Variants in CYP4V2 observed in about 807,000 individuals in gnomAD.
The protein encoded by CYP4V2 is cytochrome P450 4V2.
In CYP4V2, 55 loss-of-function variants were observed where a neutral mutation model predicts 60.8. The observed-to-expected ratio is 0.90, with a 90% confidence interval of 0.73 to 1.13. The LOEUF (loss-of-function observed/expected upper bound fraction) is 1.13. Among genes scored for constraint, CYP4V2 ranks in the 50% most tolerant of loss-of-function variants. The probability of loss-of-function intolerance (pLI) is 0.00; values close to 1 mark genes in which losing one functional copy is unlikely to be tolerated. For synonymous variants in CYP4V2, 239 were observed against 236.8 expected, an observed-to-expected ratio of 1.01 and a Z score of -0.08; for missense variants, 675 against 662.9, an observed-to-expected ratio of 1.02 and a Z score of -0.20.
intron 4 of CYP4V2, 146 bp from the exon 5 acceptor site, chr4:186,197,387 G>C (rs546158674): frequency 2.1e-6 from 2 of 934,120 alleles, no homozygotes; most frequent in Admixed American, 1.9e-5. Context: ...GACCGTACAA[G>C]AGAAGAGGGT....
intron 2 of CYP4V2, among the ~76,000 whole-genome samples, chr4:186,194,985 A>G (rs1736112376): frequency 6.6e-6 from 1 of 152,226 alleles, no homozygotes; most frequent in African/African-American, 2.4e-5. Context: ...CAAGTTGCTC[A>G]GGGTCTCATA....
intron 8 of CYP4V2, among the ~76,000 whole-genome samples, chr4:186,208,124 A>T (rs1736582902): frequency 6.8e-6 from 1 of 147,034 alleles, no homozygotes; most frequent in African/African-American, 2.6e-5. Flanking sequence ...TTCTTCTTTG[A>T]AGGGTATTTG....
chr4:186,201,101 A>G, intron 6 of CYP4V2, 56 bp from the exon 7 acceptor site: 1 of 1,547,836 alleles, frequency 6.5e-7, no homozygotes, highest in Non-Finnish European at 8.9e-7. Flanking sequence ...AAATGTGTTA[A>G]CTAGGGTGCA....
Position 186,210,851 on chromosome 4 carries a change from T to TG in CYP4V2, c.*211dup. On this transcript the variant is annotated 3_prime_UTR_variant, in exon 11 of 11. Coordinates refer to ENST00000378802, the MANE Select transcript of CYP4V2 (RefSeq NM_207352.4). ...TTCTTTTTTCTTTATTTTTTTTTTTTGAAACCGTGTCTCACTCTGTCGCCC... is the reference window on the plus strand; with the variant it reads ...TTCTTTTTTCTTTATTTTTTTTTTTTGGAAACCGTGTCTCACTCTGTCGCCC... 1.8e-6 allele frequency: 1 copy of TG among 570,590 alleles called. No individual in the cohort carries two copies. The highest frequency in any genetic ancestry group is 3.0e-6 in the Non-Finnish European group (1 of 338,754). The allele number at this position is 570,590 out of a possible 1,614,324, so 35.3% of individuals were successfully genotyped here.
At position 186,205,284 on chromosome 4, in the gene CYP4V2, G is replaced by A; in HGVS notation, c.1072G>A (p.Glu358Lys). Residue 358 changes from glutamate (E) to lysine (K), a missense_variant, in exon 8 of 11, where the codon GAA becomes AAA. By Grantham distance (56) the Glu-to-Lys change is moderately conservative. Coordinates refer to ENST00000378802, the MANE Select transcript of CYP4V2 (RefSeq NM_207352.4). ...NPEVQKKVDH[E>K]LDDVFGKSDR... is the part of the protein sequence containing the mutation. The stretch of plus-strand genomic sequence containing the variant: ...AGAAGTCCAGAAAAAAGTGGATCAT[G>A]AATTGGATGACGTGTTTGGTATGTT... 1 of 1,614,234 alleles carries A rather than the reference G, an allele frequency of 6.2e-7. No individual in the cohort carries two copies. Among genetic ancestry groups the A allele is most frequent in the Non-Finnish European group, 8.5e-7 (1 of 1,180,038 alleles).
At chr4:186,192,087 C>A (rs1158068224) in intron 1 of CYP4V2, 50 bp downstream of exon 1, 2 of 1,526,596 alleles carry the variant, frequency 1.3e-6, no homozygotes, top group Non-Finnish European at 1.8e-6. Flanking sequence ...CAGCCCCGTT[C>A]CCACCCTCCG....
intron 10 of CYP4V2, among the ~76,000 whole-genome samples, chr4:186,210,080 T>G (rs1180897514): frequency 6.6e-6 from 1 of 152,332 alleles, no homozygotes; most frequent in African/African-American, 2.4e-5. Context: ...ATCTCTAGCA[T>G]TTTGTCATTT....
At chr4:186,196,344 G>A in intron 3 of CYP4V2, 1 of 520,218 alleles carries the variant, frequency 1.9e-6, no homozygotes, top group Non-Finnish European at 3.5e-6. Flanking sequence ...AGACTCAGGA[G>A]GTCCTGATGG....
At chr4:186,192,113 G>T (rs1234311189) in intron 1 of CYP4V2, 76 bp downstream of exon 1, 22 of 1,501,268 alleles carry the variant, frequency 1.5e-5, no homozygotes, top group Non-Finnish European at 1.5e-5. Context: ...CCAGGAACCC[G>T]CTGCTTGTGG....
intron 8 of CYP4V2, among the ~76,000 whole-genome samples, chr4:186,207,613 T>G (rs957701995): frequency 6.7e-6 from 1 of 149,634 alleles, no homozygotes; most frequent in Non-Finnish European, 1.5e-5. Flanking sequence ...ATTAATTCCT[T>G]AAATGTTATT....
At chr4:186,207,929 T>C (rs530202922) in intron 8 of CYP4V2, among the ~76,000 whole-genome samples, 13 of 152,372 alleles carry the variant, frequency 8.5e-5, no homozygotes, top group African/African-American at 2.6e-4. Context: ...CTTGGCACAT[T>C]GTCCATTTTA....
At chr4:186,208,276 C>A (rs1045992323) in intron 8 of CYP4V2, among the ~76,000 whole-genome samples, 1 of 150,880 alleles carries the variant, frequency 6.6e-6, no homozygotes, top group Admixed American at 6.6e-5. Flanking sequence ...TTAGCATCCC[C>A]TGCCTTGATC....
rs942467014 is a variant in CYP4V2, at chr4:186,195,919, C to T, written c.328-84C>T. The stretch of plus-strand genomic sequence containing the variant: ...ATGTTGTGAATGCCCTAAAAACTAG[C>T]TGTATTCTAGCCAGTATTCCTATAA... On this transcript the variant is annotated intron_variant, in intron 2 of 10. Transcript: ENST00000378802. This position sits in a 1 kb window ranked among gnomAD's most constrained non-coding sequence, Gnocchi z 4.1. 4.2e-6 allele frequency: 4 copies of T among 954,186 alleles called. No individual in the cohort carries two copies. Among genetic ancestry groups the T allele is most frequent in the East Asian group, 2.4e-5 (1 of 40,940 alleles). The allele number at this position is 954,186 out of a possible 1,614,324, so 59.1% of individuals were successfully genotyped here. A position where few individuals can be genotyped will look rare whatever the true frequency, so the allele number is the denominator to read the frequency against.
chr4:186,198,566 C>T (rs1736220862), intron 5 of CYP4V2, among the ~76,000 whole-genome samples: 1 of 152,140 alleles, frequency 6.6e-6, no homozygotes, highest in Non-Finnish European at 1.5e-5. Context: ...AGAGGGCAGC[C>T]AGTTGTCTTC....
chr4:186,194,648 G>T (rs759029388), intron 2 of CYP4V2, 36 bp downstream of exon 2: 1 of 1,522,200 alleles, frequency 6.6e-7, no homozygotes, highest in Non-Finnish European at 9.1e-7. Flanking sequence ...ATTGTACTGT[G>T]TATCTGACAG....
Position 186,211,860 on chromosome 4 carries a change from T to C in CYP4V2, c.*1219T>C, listed in dbSNP as rs2126605736. The C allele has an allele frequency of 6.6e-6, 1 of 152,304 alleles. No individual in the cohort carries two copies. Among genetic ancestry groups the C allele is most frequent in the Non-Finnish European group, 1.5e-5 (1 of 68,036 alleles). 9.4% of individuals were successfully genotyped at this position (152,304 alleles called of 1,614,324 possible). A position where few individuals can be genotyped will look rare whatever the true frequency, so the allele number is the denominator to read the frequency against. ...ATTTTAAGTTGATTAGTAGGTTCTGTTACAGTTTTTCTTTTGATCGTGCAC... is the reference window on the plus strand; with the variant it reads ...ATTTTAAGTTGATTAGTAGGTTCTGCTACAGTTTTTCTTTTGATCGTGCAC... On this transcript the variant is annotated 3_prime_UTR_variant, in exon 11 of 11. Transcript: ENST00000378802.
At position 186,191,803 on chromosome 4, in the gene CYP4V2, C is replaced by T. The variant is rs1486120621; in HGVS notation, c.-21C>T. 8 of 1,522,946 alleles carry T rather than the reference C, an allele frequency of 5.3e-6. No individual in the cohort carries two copies. The highest frequency in any genetic ancestry group is 7.0e-6 in the Non-Finnish European group (8 of 1,141,654). 94.3% of individuals were successfully genotyped at this position (1,522,946 alleles called of 1,614,324 possible). ...GGCCCGCACTTTCCCGGAGTGCACC[C>T]CGCGGCCGCCAGCCGGGGCGATGGC... On this transcript the variant is annotated 5_prime_UTR_variant, in exon 1 of 11. Transcript: ENST00000378802.
At chr4:186,202,527 T>C (rs1736335414) in intron 7 of CYP4V2, 1 of 152,176 alleles carries the variant, frequency 6.6e-6, no homozygotes, top group East Asian at 1.9e-4. Context: ...CGGGTGTTAT[T>C]ATTGCATGTC....
chr4:186,209,153 A>G lies in CYP4V2; in HGVS notation c.1286A>G (p.Asp429Gly), dbSNP rs1398982195. The G allele has an allele frequency of 4.3e-6, 7 of 1,613,968 alleles. No homozygotes were observed. The highest frequency in any genetic ancestry group is 1.3e-5 in the African/African-American group (1 of 74,884). Residue 429 changes from aspartate to glycine, a missense_variant, in exon 10 of 11, where the codon GAT (aspartate) becomes GGT (glycine). By Grantham distance (94) the Asp-to-Gly change is moderately conservative. Transcript: ENST00000378802. ...ATCATTCCCTATGCATTGCACAGAG[A>G]TCCGAGATACTTCCCCAACCCCGAG... ...AVIIPYALHR[D>G]PRYFPNPEEF...
Sources: allele counts gnomAD v4.1 joint callset (sites outside exome capture counted in the v4.1 genomes callset), GRCh38; gene constraint gnomAD v4.1.1; non-coding constraint Gnocchi (gnomAD v3.1); transcripts MANE v1.5; gene names NCBI Gene and HGNC (gene_info 2026-07-23, HGNC 2026-07-21).